Variants in EYS observed in about 807,000 individuals in gnomAD.
EYS encodes the protein protein eyes shut homolog.
Under a neutral mutation model 282.1 loss-of-function variants are expected in EYS, and 250 were observed. The observed-to-expected ratio is 0.89, with a 90% confidence interval of 0.80 to 0.98. EYS has a LOEUF of 0.98. Among genes scored for constraint, EYS ranks in the 50% least tolerant of loss-of-function variants. The pLI is 0.00. For synonymous variants in EYS, 1,355 were observed against 1,282.9 expected (o/e 1.06, Z -1.20); for missense variants, 4,016 against 3,709.0 (o/e 1.08, Z -2.15).
chr6:65,433,553 G>T (rs1767959399), intron 5 of EYS, among the ~76,000 whole-genome samples: 1 of 152,180 alleles, frequency 6.6e-6, no homozygotes, highest in Non-Finnish European at 1.5e-5. Context: ...TTATATGAGA[G>T]ATGAAAGTAA....
chr6:64,124,002 G>T (rs1773679094), intron 31 of EYS, among the ~76,000 whole-genome samples: 1 of 152,126 alleles, frequency 6.6e-6, no homozygotes, highest in South Asian at 2.1e-4. Flanking sequence ...TCACTGGAAG[G>T]CGAAGCATCC....
chr6:64,032,645 G>T (rs1769909016), intron 33 of EYS, among the ~76,000 whole-genome samples: 1 of 152,132 alleles, frequency 6.6e-6, no homozygotes, highest in Non-Finnish European at 1.5e-5. Flanking sequence ...CATTTGTCTG[G>T]CTTGGCTACA....
In EYS at chr6:65,523,440, T is replaced by C. The variant is rs146491948; in HGVS notation, c.-332-27447A>G. 5.5e-3 allele frequency among the ~76,000 whole-genome samples: 841 copies of C among 151,912 alleles called. 3 individuals carry two copies. The highest frequency in any genetic ancestry group is 9.2e-3 in the Non-Finnish European group (628 of 67,974). ...AATAAGCCAGACACAGAGAGAAAAA[T>C]AGTGCATGATCTCACTTATATGTGG... On this transcript the variant is annotated intron_variant, in intron 2 of 42. Transcript: ENST00000503581.
At position 64,703,429 on chromosome 6, in the gene EYS, A is replaced by ATTTTTTTTTTTTTT. The variant is rs1554194865; in HGVS notation, c.3444-77198_3444-77185dup. On this transcript the variant is annotated intron_variant, in intron 22 of 42. Coordinates refer to ENST00000503581, the MANE Select transcript of EYS (RefSeq NM_001142800.2). ...CACACACATATATATATATATATAT[A>ATTTTTTTTTTTTTT]TTTTTTTTTTTTTTTTTTGAGATGG... 1.7e-3 allele frequency among the ~76,000 whole-genome samples: 40 copies of ATTTTTTTTTTTTTT among 23,362 alleles called. 5 individuals carry two copies. The highest frequency in any genetic ancestry group is 2.9e-3 in the Non-Finnish European group (26 of 8,980). The allele number at this position is 23,362 out of a possible 152,430, so 15.3% of individuals were successfully genotyped here. A position where few individuals can be genotyped will look rare whatever the true frequency, so the allele number is the denominator to read the frequency against.
At chr6:64,817,979 C>T (rs576698615) in intron 21 of EYS, among the ~76,000 whole-genome samples, 3 of 152,240 alleles carry the variant, frequency 2.0e-5, no homozygotes, top group South Asian at 4.1e-4. Flanking sequence ...ATATTCACTA[C>T]GAGTTAAAGC....
In EYS at chr6:64,148,105, AT is replaced by A. The variant is rs570975555; in HGVS notation, c.6425-66104del. Among the ~76,000 whole-genome samples, 722 of 152,256 alleles carry A rather than the reference AT, an allele frequency of 4.7e-3. 2 individuals carry two copies. The highest frequency in any genetic ancestry group is 7.0e-3 in the Non-Finnish European group (479 of 68,010). On this transcript the variant is annotated intron_variant, in intron 31 of 42. Transcript: ENST00000503581. ...TTATCATATTTTTGGTATAAAAGTA[AT>A]TTGTGAACTGTTTGAACACTGAAAA...
At chr6:63,763,606 G>T (rs1264804452) in intron 40 of EYS, among the ~76,000 whole-genome samples, 1 of 151,476 alleles carries the variant, frequency 6.6e-6, no homozygotes, top group Non-Finnish European at 1.5e-5. Context: ...TTTATAAGGG[G>T]CTTCCTTCTT....
At chr6:64,614,721 T>A (rs550966141) in intron 24 of EYS, among the ~76,000 whole-genome samples, 1 of 152,248 alleles carries the variant, frequency 6.6e-6, no homozygotes, top group East Asian at 1.9e-4. Context: ...GCCAACAGCT[T>A]GGGCAAAATC....
At chr6:63,748,905 C>T (rs1022822602) in intron 41 of EYS, among the ~76,000 whole-genome samples, 1 of 151,706 alleles carries the variant, frequency 6.6e-6, no homozygotes, top group African/African-American at 2.4e-5. Flanking sequence ...AGCTAGTGGT[C>T]TATTTTATTT....
intron 29 of EYS, among the ~76,000 whole-genome samples, chr6:64,331,895 T>A (rs1277321651): frequency 1.3e-5 from 2 of 152,182 alleles, no homozygotes; most frequent in Non-Finnish European, 2.9e-5. Flanking sequence ...TCAGGGTGGG[T>A]TGAGGCATTT....
chr6:64,621,948 C>G (rs963381608), intron 23 of EYS, among the ~76,000 whole-genome samples: 2 of 152,108 alleles, frequency 1.3e-5, no homozygotes, highest in East Asian at 1.9e-4. Flanking sequence ...TTAGATAACA[C>G]TATACATGGT....
chr6:64,237,280 TGGAGTCACACA>T (rs1215137408), intron 30 of EYS, among the ~76,000 whole-genome samples: 1 of 152,198 alleles, frequency 6.6e-6, no homozygotes, highest in Non-Finnish European at 1.5e-5. Flanking sequence ...TTCATTCACC[TGGAGTCACACA>T]GGGCAGACCA....
intron 1 of EYS, among the ~76,000 whole-genome samples, chr6:65,654,175 A>G (rs1767743251): frequency 6.6e-6 from 1 of 151,998 alleles, no homozygotes; most frequent in Non-Finnish European, 1.5e-5. Context: ...TCTCAAAACA[A>G]TTTTCTCAAA....
At chr6:65,008,815 G>A (rs555146547) in intron 13 of EYS, among the ~76,000 whole-genome samples, 29 of 152,238 alleles carry the variant, frequency 1.9e-4, no homozygotes, top group Non-Finnish European at 2.9e-4. Flanking sequence ...AGGGCCAGGA[G>A]GTTAACTGTC....
chr6:64,308,014 G>T (rs953762301), intron 29 of EYS, among the ~76,000 whole-genome samples: 1 of 151,906 alleles, frequency 6.6e-6, no homozygotes, highest in African/African-American at 2.4e-5. Context: ...ATGAAAAATA[G>T]AAGAAAAGCT....
chr6:65,611,251 G>A (rs1168779480), intron 2 of EYS, among the ~76,000 whole-genome samples: 1 of 150,594 alleles, frequency 6.6e-6, no homozygotes, highest in Non-Finnish European at 1.5e-5. Context: ...TGATTATGAT[G>A]AAGAACTGAG....
intron 12 of EYS, among the ~76,000 whole-genome samples, chr6:65,084,578 A>G (rs1774313712): frequency 1.3e-5 from 2 of 152,102 alleles, no homozygotes; most frequent in Admixed American, 6.6e-5. Context: ...CGTGTATCCT[A>G]TGGTATGCCC....
At chr6:64,311,469 T>G (rs1167717853) in intron 29 of EYS, among the ~76,000 whole-genome samples, 2 of 152,202 alleles carry the variant, frequency 1.3e-5, no homozygotes, top group Non-Finnish European at 2.9e-5. Flanking sequence ...AAATAACTCC[T>G]GGTTATTTCT....
At chr6:63,861,187 GC>G (rs1383235957) in intron 36 of EYS, among the ~76,000 whole-genome samples, 1 of 152,066 alleles carries the variant, frequency 6.6e-6, no homozygotes, top group Admixed American at 6.6e-5. Flanking sequence ...TACAAAAGAA[GC>G]TGTTATGCCT....
Sources: allele counts gnomAD v4.1 joint callset (sites outside exome capture counted in the v4.1 genomes callset), GRCh38; gene constraint gnomAD v4.1.1; transcripts MANE v1.5; gene names NCBI Gene and HGNC (gene_info 2026-07-23, HGNC 2026-07-21).